Variants in MCCC1 observed in about 807,000 individuals in gnomAD.
MCCC1 encodes methylcrotonyl-CoA carboxylase subunit 1.
MCCC1 carries 64 observed loss-of-function variants against 83.8 expected under a neutral mutation model. The observed-to-expected ratio is 0.76, with a 90% confidence interval of 0.62 to 0.94. The LOEUF (loss-of-function observed/expected upper bound fraction) is 0.94. Ranked by LOEUF, MCCC1 falls within the 40% of genes least tolerant of loss-of-function variation. The pLI is 0.00. For missense variants in MCCC1, 807 were observed against 904.7 expected, an observed-to-expected ratio of 0.89 and a Z score of 1.39; for synonymous variants, 322 against 315.4, an observed-to-expected ratio of 1.02 and a Z score of -0.22.
intron 4 of MCCC1, among the ~76,000 whole-genome samples, chr3:183,076,526 T>C (rs1278598791): frequency 6.6e-6 from 1 of 152,214 alleles, no homozygotes; most frequent in Non-Finnish European, 1.5e-5. Context: ...CTTGGGTAAA[T>C]ACCCAGGAGT....
At chr3:183,108,794 C>A (rs1217148502) in intron 1 of MCCC1, among the ~76,000 whole-genome samples, 2 of 152,168 alleles carry the variant, frequency 1.3e-5, no homozygotes, top group Non-Finnish European at 2.9e-5. Context: ...CTCGCACTTG[C>A]TCCAACCGAA....
chr3:183,103,946 A>C (rs1468454719), upstream of MCCC1, among the ~76,000 whole-genome samples: 1 of 152,142 alleles, frequency 6.6e-6, no homozygotes, highest in Non-Finnish European at 1.5e-5. Context: ...GTGGGCCGGC[A>C]CTGCTGGGGG....
At chr3:183,030,006 G>A (rs554691439) in intron 14 of MCCC1, among the ~76,000 whole-genome samples, 1 of 152,220 alleles carries the variant, frequency 6.6e-6, no homozygotes, top group Admixed American at 6.5e-5. Context: ...ATAGGAAAGT[G>A]GGACAATTAA....
chr3:183,041,537 A>T, intron 11 of MCCC1, 30 bp downstream of exon 11: 3 of 1,613,158 alleles, frequency 1.9e-6, no homozygotes, highest in Non-Finnish European at 2.5e-6. Flanking sequence ...ACTTAAAAAG[A>T]GTGAGACTTT....
At chr3:183,094,056 T>C (rs1179196259) in intron 2 of MCCC1, among the ~76,000 whole-genome samples, 1 of 149,312 alleles carries the variant, frequency 6.7e-6, no homozygotes, top group Non-Finnish European at 1.5e-5. Flanking sequence ...TACTTTTTTT[T>C]TTTTTTTTTT....
At chr3:183,071,706 C>CT (rs780994709) in intron 5 of MCCC1, among the ~76,000 whole-genome samples, 24 of 35,904 alleles carry the variant, frequency 6.7e-4, no homozygotes, top group African/African-American at 1.2e-3. Context: ...CAAACTATTT[C>CT]TTTTTTTTTT....
chr3:183,032,806 G>A (rs886183954), intron 14 of MCCC1, among the ~76,000 whole-genome samples: 2 of 151,788 alleles, frequency 1.3e-5, no homozygotes, highest in Non-Finnish European at 2.9e-5. Flanking sequence ...CCCAGGAGGT[G>A]GAGCTTGCAG....
chr3:183,042,347 TTAC>T (rs1324596952), intron 10 of MCCC1, among the ~76,000 whole-genome samples: 2 of 152,228 alleles, frequency 1.3e-5, no homozygotes, highest in African/African-American at 4.8e-5. Context: ...ACTATAATTA[TTAC>T]TATTTTAGTT....
At chr3:183,045,289 A>G in intron 10 of MCCC1, 124 bp downstream of exon 10, 2 of 1,116,114 alleles carry the variant, frequency 1.8e-6, no homozygotes, top group Non-Finnish European at 2.6e-6. Context: ...CACATTGGCC[A>G]GGCTGGTCTC....
intron 15 of MCCC1, 22 bp from the exon 16 acceptor site, chr3:183,022,576 A>C: frequency 6.3e-7 from 1 of 1,576,064 alleles, no homozygotes; most frequent in Non-Finnish European, 8.7e-7. Context: ...GAAAAATAAG[A>C]TTTTTAAAAT....
upstream of MCCC1, among the ~76,000 whole-genome samples, chr3:183,100,745 G>A (rs1577379598): frequency 6.6e-6 from 1 of 152,164 alleles, no homozygotes; most frequent in South Asian, 2.1e-4. Context: ...GCAGTCCTCA[G>A]AACCCTCGCT....
chr3:183,053,331 T>TA, intron 8 of MCCC1, among the ~76,000 whole-genome samples: 1 of 151,200 alleles, frequency 6.6e-6, no homozygotes, highest in South Asian at 2.1e-4. Flanking sequence ...TCTACAAAAA[T>TA]AAAAAAATTG....
At chr3:183,068,995 G>A (rs1716454464) in intron 7 of MCCC1, among the ~76,000 whole-genome samples, 1 of 152,106 alleles carries the variant, frequency 6.6e-6, no homozygotes, top group Non-Finnish European at 1.5e-5. Flanking sequence ...ATGTATCTCT[G>A]TCATTAAGCA....
intron 14 of MCCC1, among the ~76,000 whole-genome samples, chr3:183,028,727 G>A (rs1712807203): frequency 6.6e-6 from 1 of 152,232 alleles, no homozygotes. Flanking sequence ...AGATGTGACT[G>A]AATTGCTGCA....
chr3:183,048,495 C>G (rs1714720029), intron 9 of MCCC1, among the ~76,000 whole-genome samples: 1 of 152,090 alleles, frequency 6.6e-6, no homozygotes, highest in African/African-American at 2.4e-5. Context: ...AACTTCAGAG[C>G]AGGGAAAGTT....
intron 2 of MCCC1, 138 bp from the exon 3 acceptor site, chr3:183,092,683 C>G: frequency 1.0e-6 from 1 of 979,850 alleles, no homozygotes; most frequent in Non-Finnish European, 1.5e-6. Flanking sequence ...TAACTGAGCC[C>G]AAAATGACCA....
At chr3:183,105,788 C>T (rs1719392774) in intron 1 of MCCC1, among the ~76,000 whole-genome samples, 1 of 151,948 alleles carries the variant, frequency 6.6e-6, no homozygotes. Flanking sequence ...CAAAAAGTGT[C>T]ACAAAAGACT....
chr3:183,025,676 C>T (rs1712535458), intron 15 of MCCC1, 79 bp downstream of exon 15: 1 of 1,261,922 alleles, frequency 7.9e-7, no homozygotes, highest in South Asian at 1.2e-5. Flanking sequence ...TAAGGGAAAC[C>T]AGAGAGTGAA....
At chr3:183,114,131 C>A (rs375696790) in intron 1 of MCCC1, among the ~76,000 whole-genome samples, 59 of 152,264 alleles carry the variant, frequency 3.9e-4, no homozygotes, top group African/African-American at 1.3e-3. Flanking sequence ...GAGCTATATC[C>A]GCAGTGCCCA....
Sources: allele counts gnomAD v4.1 joint callset (sites outside exome capture counted in the v4.1 genomes callset), GRCh38; gene constraint gnomAD v4.1.1; transcripts MANE v1.5; gene names NCBI Gene and HGNC (gene_info 2026-07-23, HGNC 2026-07-21).